MFHAS1: variants seen among roughly 807,000 people sequenced by gnomAD.
The protein encoded by MFHAS1 is multifunctional ROCO family signaling regulator 1.
Under a neutral mutation model 70.4 loss-of-function variants are expected in MFHAS1, and 50 were observed. That is an observed-to-expected ratio of 0.71 (90% CI 0.57 to 0.90). The LOEUF (loss-of-function observed/expected upper bound fraction) is 0.90, where lower values mean the gene tolerates loss of function less well. Ranked by LOEUF, MFHAS1 falls within the 40% of genes least tolerant of loss-of-function variation. The pLI, the probability that MFHAS1 is intolerant of heterozygous loss-of-function variation, is 0.00. For missense variants in MFHAS1, 1,795 were observed against 1,347.6 expected (o/e 1.33, Z -5.20); for synonymous variants, 952 against 620.0 (o/e 1.54, Z -7.96).
At chr8:8,879,844 A>G (rs73192207) in intron 1 of MFHAS1, among the ~76,000 whole-genome samples, 3,382 of 152,318 alleles carry the variant, frequency 0.022, 66 homozygotes, top group African/African-American at 0.051. Flanking sequence ...GATTGACGAC[A>G]CTTATCTAAT....
intron 1 of MFHAS1, among the ~76,000 whole-genome samples, chr8:8,868,310 C>A (rs544671679): frequency 1.3e-5 from 2 of 151,104 alleles, no homozygotes; most frequent in African/African-American, 4.9e-5. Context: ...TTGTATCTTT[C>A]GGCTAATAAT....
At position 8,890,882 on chromosome 8, in the gene MFHAS1, A is replaced by G; in HGVS notation, c.2177T>C (p.Val726Ala). ...GATGAGGCGGGTGAGGTTGTGGAAG[A>G]CGTGCTCCTTGAGAGCCGGACTGTC... is the stretch of plus-strand genomic sequence containing the variant. ...FEDSPALKEH[V>A]FHNLTRLIDI... Residue 726 changes from valine (V) to alanine (A), a missense_variant, in exon 1 of 3, where the codon GTC becomes GCC. Coordinates refer to ENST00000276282, the MANE Select transcript of MFHAS1 (RefSeq NM_004225.3). 6.2e-7 allele frequency: 1 copy of G among 1,614,118 alleles called. No homozygotes were observed. The highest frequency in any genetic ancestry group is 8.5e-7 in the Non-Finnish European group (1 of 1,180,024).
chr8:8,815,190 A>G (rs1012616113), intron 1 of MFHAS1, among the ~76,000 whole-genome samples: 7 of 152,150 alleles, frequency 4.6e-5, no homozygotes, highest in African/African-American at 1.2e-4. Context: ...TGCAAAGGAC[A>G]TGATCTTGTT....
chr8:8,872,972 C>T (rs1809138708), intron 1 of MFHAS1, among the ~76,000 whole-genome samples: 1 of 152,100 alleles, frequency 6.6e-6, no homozygotes, highest in Non-Finnish European at 1.5e-5. Flanking sequence ...CCGGGCAGTG[C>T]CACTCGTGAG....
At chr8:8,864,002 T>A (rs572929612) in intron 1 of MFHAS1, among the ~76,000 whole-genome samples, 34 of 152,156 alleles carry the variant, frequency 2.2e-4, no homozygotes, top group African/African-American at 8.0e-4. Flanking sequence ...CAACTCCTCT[T>A]CCTTATACCT....
chr8:8,850,973 CTG>C (rs1445345328), intron 1 of MFHAS1, among the ~76,000 whole-genome samples: 2 of 152,170 alleles, frequency 1.3e-5, no homozygotes, highest in Non-Finnish European at 2.9e-5. Context: ...ATAGCTCCAT[CTG>C]TGGTTTTACC....
chr8:8,834,879 T>C (rs1310222960), intron 1 of MFHAS1, among the ~76,000 whole-genome samples: 3 of 152,208 alleles, frequency 2.0e-5, no homozygotes, highest in Non-Finnish European at 4.4e-5. Context: ...ATATTTTAAA[T>C]CTTGGAGGGA....
chr8:8,802,664 G>T (rs1806121983), intron 1 of MFHAS1, among the ~76,000 whole-genome samples: 1 of 152,216 alleles, frequency 6.6e-6, no homozygotes, highest in African/African-American at 2.4e-5. Context: ...TGGAGAAGCT[G>T]GCTGGACTGC....
At chr8:8,805,435 T>A (rs1461541644) in intron 1 of MFHAS1, among the ~76,000 whole-genome samples, 1 of 152,208 alleles carries the variant, frequency 6.6e-6, no homozygotes, top group Non-Finnish European at 1.5e-5. Context: ...GAAAATGCTA[T>A]TGAGACAATC....
At chr8:8,812,270 G>A (rs893734699) in intron 1 of MFHAS1, among the ~76,000 whole-genome samples, 5 of 152,280 alleles carry the variant, frequency 3.3e-5, no homozygotes, top group African/African-American at 9.6e-5. Flanking sequence ...TAGTGGTTCA[G>A]GGGTGTGGGG....
intron 1 of MFHAS1, among the ~76,000 whole-genome samples, chr8:8,861,047 T>G (rs1452119395): frequency 6.6e-6 from 1 of 152,216 alleles, no homozygotes; most frequent in African/African-American, 2.4e-5. Context: ...GCCTTTTAAT[T>G]TCATCACTTA....
Position 8,893,169 on chromosome 8 carries a change from C to A in MFHAS1, c.-111G>T, listed in dbSNP as rs1585080896. Reference sequence around the variant, plus strand: ...CCCCTGCCTGCCCTCCCGCGCTCGGCGGCCGGCGGCCGCGGGTCCTAGCGC... The same window carrying A: ...CCCCTGCCTGCCCTCCCGCGCTCGGAGGCCGGCGGCCGCGGGTCCTAGCGC... On this transcript the variant is annotated 5_prime_UTR_variant, in exon 1 of 3. Transcript: ENST00000276282. 1 of 618,850 alleles carries A rather than the reference C, an allele frequency of 1.6e-6. No homozygotes were observed. The highest frequency in any genetic ancestry group is 4.3e-5 in the East Asian group (1 of 23,276). The allele number at this position is 618,850 out of a possible 1,614,324, so 38.3% of individuals were successfully genotyped here.
chr8:8,815,233 A>G (rs1419772096), intron 1 of MFHAS1, among the ~76,000 whole-genome samples: 1 of 152,106 alleles, frequency 6.6e-6, no homozygotes, highest in Non-Finnish European at 1.5e-5. Flanking sequence ...TCCATGGTGT[A>G]TATGTACCAC....
intron 1 of MFHAS1, among the ~76,000 whole-genome samples, chr8:8,799,806 G>A (rs1292341987): frequency 6.6e-6 from 1 of 152,166 alleles, no homozygotes. Context: ...CTCATCCCCC[G>A]CAAAGGCCAC....
At chr8:8,887,524 T>G (rs914056415) in intron 1 of MFHAS1, among the ~76,000 whole-genome samples, 4 of 150,814 alleles carry the variant, frequency 2.7e-5, no homozygotes, top group Non-Finnish European at 4.4e-5. Flanking sequence ...GACAAAAATA[T>G]GTACGTTGGT....
chr8:8,826,245 A>ACAGTGT (rs1807155358), intron 1 of MFHAS1, among the ~76,000 whole-genome samples: 1 of 70,806 alleles, frequency 1.4e-5, no homozygotes, highest in Non-Finnish European at 3.2e-5. Context: ...GCAAACACAA[A>ACAGTGT]GAGTGTGTGT....
At chr8:8,866,994 GA>G (rs1563211492) in intron 1 of MFHAS1, among the ~76,000 whole-genome samples, 1 of 152,176 alleles carries the variant, frequency 6.6e-6, no homozygotes, top group Non-Finnish European at 1.5e-5. Context: ...GAATAAATGT[GA>G]AGGTGACAGT....
At chr8:8,853,588 A>G (rs1808324195) in intron 1 of MFHAS1, among the ~76,000 whole-genome samples, 2 of 151,584 alleles carry the variant, frequency 1.3e-5, no homozygotes, top group African/African-American at 4.8e-5. Context: ...TATATTTGAG[A>G]TGGAGTCTTG....
chr8:8,815,182 C>A (rs892862186), intron 1 of MFHAS1, among the ~76,000 whole-genome samples: 1 of 152,146 alleles, frequency 6.6e-6, no homozygotes, highest in African/African-American at 2.4e-5. Flanking sequence ...CATGTCCCTG[C>A]AAAGGACATG....
Sources: gnomAD v4.1 joint callset for allele counts (sites outside exome capture counted in the v4.1 genomes callset) on GRCh38, gnomAD v4.1.1 for gene constraint, MANE v1.5 for transcripts, NCBI Gene and HGNC (gene_info 2026-07-23, HGNC 2026-07-21) for gene names.